CNTN5: variants seen among roughly 807,000 people sequenced by gnomAD.
CNTN5 encodes contactin-5.
Under a neutral mutation model 129.1 loss-of-function variants are expected in CNTN5, and 77 were observed. The observed-to-expected ratio is 0.60, with a 90% confidence interval of 0.50 to 0.72. The LOEUF (loss-of-function observed/expected upper bound fraction) is 0.72, where lower values mean the gene tolerates loss of function less well. Ranked by LOEUF, CNTN5 falls within the 30% of genes least tolerant of loss-of-function variation. The pLI is 0.00. For missense variants in CNTN5, 1,478 were observed against 1,328.8 expected (o/e 1.11, Z -1.75); for synonymous variants, 509 against 465.6 (o/e 1.09, Z -1.20).
chr11:100,220,311 A>G (rs1437387580), intron 15 of CNTN5, among the ~76,000 whole-genome samples: 1 of 152,084 alleles, frequency 6.6e-6, no homozygotes, highest in Non-Finnish European at 1.5e-5. Context: ...TCTTGGAAGA[A>G]GAAATACTGT....
intron 16 of CNTN5, among the ~76,000 whole-genome samples, chr11:100,241,115 G>A (rs932383205): frequency 6.6e-6 from 1 of 152,120 alleles, no homozygotes; most frequent in Non-Finnish European, 1.5e-5. Context: ...TAGCTCATCT[G>A]TTCTTAGTGT....
chr11:100,172,303 TAAAA>T (rs1057356837), intron 13 of CNTN5, among the ~76,000 whole-genome samples: 1 of 151,898 alleles, frequency 6.6e-6, no homozygotes, highest in African/African-American at 2.4e-5. Context: ...TTAATTACAT[TAAAA>T]AAAGTGATTA....
chr11:99,705,499 A>G (rs1954715822), intron 3 of CNTN5, among the ~76,000 whole-genome samples: 2 of 151,432 alleles, frequency 1.3e-5, no homozygotes, highest in Admixed American at 6.6e-5. Flanking sequence ...AGTATTGAAT[A>G]TATTTATTCT....
At chr11:99,409,671 G>C (rs1488952649) in intron 2 of CNTN5, among the ~76,000 whole-genome samples, 1 of 152,120 alleles carries the variant, frequency 6.6e-6, no homozygotes, top group African/African-American at 2.4e-5. Flanking sequence ...AACAAGGAGA[G>C]AAAAATAGTA....
chr11:100,222,817 A>T (rs1949292917), intron 15 of CNTN5, among the ~76,000 whole-genome samples: 1 of 152,104 alleles, frequency 6.6e-6, no homozygotes, highest in African/African-American at 2.4e-5. Flanking sequence ...GTGCACAGCC[A>T]TTCCTGATTA....
At chr11:99,575,573 A>G (rs1309157365) in intron 3 of CNTN5, among the ~76,000 whole-genome samples, 1 of 152,202 alleles carries the variant, frequency 6.6e-6, no homozygotes, top group Non-Finnish European at 1.5e-5. Flanking sequence ...GCAGCGTAAG[A>G]GCATAGAAAC....
At chr11:100,044,030 C>A (rs79250582) in intron 9 of CNTN5, among the ~76,000 whole-genome samples, 6,140 of 151,172 alleles carry the variant, frequency 0.041, 148 homozygotes, top group African/African-American at 0.065. Context: ...TTATCCCTCA[C>A]CTTTCTCACC....
chr11:99,939,842 T>C (rs920999017), intron 7 of CNTN5, among the ~76,000 whole-genome samples: 2 of 152,176 alleles, frequency 1.3e-5, no homozygotes, highest in Non-Finnish European at 2.9e-5. Context: ...GTTTGTGTTA[T>C]GGAAGTAAAA....
At chr11:100,290,938 G>A (rs1950947321) in intron 18 of CNTN5, among the ~76,000 whole-genome samples, 1 of 151,916 alleles carries the variant, frequency 6.6e-6, no homozygotes, top group African/African-American at 2.4e-5. Flanking sequence ...CCATCAAACA[G>A]TGGGCAAAGG....
intron 7 of CNTN5, among the ~76,000 whole-genome samples, chr11:99,918,880 C>A (rs577606480): frequency 1.3e-5 from 2 of 152,096 alleles, no homozygotes; most frequent in Admixed American, 1.3e-4. Context: ...ATTTGCTACC[C>A]ACTCTGTAAA....
intron 1 of CNTN5, among the ~76,000 whole-genome samples, chr11:99,200,953 C>T (rs1859142701): frequency 6.7e-6 from 1 of 149,378 alleles, no homozygotes; most frequent in Non-Finnish European, 1.5e-5. Context: ...TCGTGTTTAA[C>T]AACAGCAACA....
chr11:99,874,643 G>A (rs562806700), intron 6 of CNTN5, among the ~76,000 whole-genome samples: 60 of 152,124 alleles, frequency 3.9e-4, no homozygotes, highest in South Asian at 1.7e-3. Flanking sequence ...ATACATCTTC[G>A]TAATCTGCTA....
chr11:99,777,604 T>A (rs1323988989), intron 3 of CNTN5, among the ~76,000 whole-genome samples: 2 of 151,876 alleles, frequency 1.3e-5, no homozygotes, highest in East Asian at 2.0e-4. Flanking sequence ...ATAAAAAAAA[T>A]TGTTCTTGAC....
At chr11:100,030,270 C>T (rs745728026) in intron 9 of CNTN5, among the ~76,000 whole-genome samples, 1 of 151,972 alleles carries the variant, frequency 6.6e-6, no homozygotes, top group Non-Finnish European at 1.5e-5. Context: ...TTCCAGCTAC[C>T]CAGGAGGCTG....
At chr11:99,950,288 C>T (rs1274682058) in intron 7 of CNTN5, among the ~76,000 whole-genome samples, 1 of 152,040 alleles carries the variant, frequency 6.6e-6, no homozygotes, top group Non-Finnish European at 1.5e-5. Context: ...ACCATCCTGG[C>T]TAACACAGTG....
At chr11:99,363,941 A>G (rs1327616209) in intron 2 of CNTN5, among the ~76,000 whole-genome samples, 1 of 152,142 alleles carries the variant, frequency 6.6e-6, no homozygotes, top group Non-Finnish European at 1.5e-5. Context: ...TCACATGTTC[A>G]AATAATTAGA....
chr11:99,632,894 G>T, intron 3 of CNTN5, among the ~76,000 whole-genome samples: 1 of 143,940 alleles, frequency 6.9e-6, no homozygotes, highest in African/African-American at 2.7e-5. Flanking sequence ...GTATCTTCTT[G>T]GGGGGGTTAC....
At position 100,350,702 on chromosome 11, in the gene CNTN5, G is replaced by A; in HGVS notation, c.3031G>A (p.Val1011Ile). Residue 1011 changes from valine to isoleucine, a missense_variant and splice_region_variant, in exon 24 of 25, where the codon GTT becomes ATT. By Grantham distance (29) the Val-to-Ile change is conservative. Transcript: ENST00000524871. ...ANESEVVGYK[V>I]FYRQEGHSNS... ...GTCTAAACCTTGTTATTACTCTCAGGTTTTTTATAGGCAAGAGGGTCACAG... is the reference window on the plus strand; with the variant it reads ...GTCTAAACCTTGTTATTACTCTCAGATTTTTTATAGGCAAGAGGGTCACAG... The A allele has an allele frequency of 6.3e-7, 1 of 1,598,922 alleles. No homozygotes were observed.
At chr11:99,296,118 A>G (rs1381685113) in intron 1 of CNTN5, among the ~76,000 whole-genome samples, 1 of 152,140 alleles carries the variant, frequency 6.6e-6, no homozygotes, top group Non-Finnish European at 1.5e-5. Flanking sequence ...AAAAATATTC[A>G]AAGATAAGAG....
Sources: allele counts gnomAD v4.1 joint callset (sites outside exome capture counted in the v4.1 genomes callset), GRCh38; gene constraint gnomAD v4.1.1; transcripts MANE v1.5; gene names NCBI Gene and HGNC (gene_info 2026-07-23, HGNC 2026-07-21).